EML6: variants seen among roughly 807,000 people sequenced by gnomAD.
EML6 encodes EMAP like 6.
Under a neutral mutation model 240.1 loss-of-function variants are expected in EML6, and 154 were observed. That is an observed-to-expected ratio of 0.64 (90% CI 0.56 to 0.73). EML6 has a LOEUF of 0.73. Ranked by LOEUF, EML6 falls within the 30% of genes least tolerant of loss-of-function variation. The pLI is 0.00. For synonymous variants in EML6, 1,148 were observed against 899.0 expected, an observed-to-expected ratio of 1.28 and a Z score of -4.95; for missense variants, 2,964 against 2,474.6, an observed-to-expected ratio of 1.20 and a Z score of -4.20.
Position 54,725,210 on chromosome 2 carries a change from G to C in EML6, c.149G>C (p.Arg50Pro), listed in dbSNP as rs770072165. The change falls in exon 2 of 42, where the codon CGC becomes CCC. Residue 50 changes from arginine (R) to proline (P), a missense_variant. Physicochemically the swap from Arg to Pro is moderately radical, Grantham distance 103. Coordinates refer to ENST00000356458, the MANE Select transcript of EML6 (RefSeq NM_001039753.4). The surrounding 1 kb of genome is among the most constrained non-coding windows in gnomAD (Gnocchi z 4.3). ...GGGGTCGGGGTGGTTTACAACACCC[G>C]CGAGCACAGCCAAAAATTCTTCCTG... ...VAGVGVVYNT[R>P]EHSQKFFLGH... The C allele has an allele frequency of 1.8e-5, 27 of 1,501,544 alleles. No individual in the cohort carries two copies. The African/African-American group carries it at 3.5e-4, about 19-fold the overall frequency. The allele number at this position is 1,501,544 out of a possible 1,614,324, so 93.0% of individuals were successfully genotyped here. A position where few individuals can be genotyped will look rare whatever the true frequency, so the allele number is the denominator to read the frequency against.
intron 2 of EML6, among the ~76,000 whole-genome samples, chr2:54,760,078 T>G (rs13412839): frequency 0.24 from 35,716 of 151,744 alleles, 4,574 homozygotes; most frequent in African/African-American, 0.35. Context: ...TTCCAGTTTT[T>G]CTCAGTTTCC....
intron 2 of EML6, among the ~76,000 whole-genome samples, chr2:54,793,767 GT>G (rs1489393256): frequency 6.6e-6 from 1 of 152,180 alleles, no homozygotes; most frequent in East Asian, 1.9e-4. Context: ...GGTTTGGTGA[GT>G]AGGGGCAGCA....
intron 16 of EML6, 53 bp downstream of exon 16, chr2:54,871,658 CAGAG>C (rs755907861): frequency 1.5e-5 from 20 of 1,291,450 alleles, no homozygotes; most frequent in African/African-American, 1.3e-4. Context: ...GAGAGAGACA[CAGAG>C]AGAGTATGCC....
In EML6 at chr2:54,724,991, C is replaced by G; in HGVS notation, c.-71C>G. Reference sequence around the variant, plus strand: ...CGCGCGCTGAGCCCCTGCAGGTCCGCCGCAGCCCCAGCCTCGGCGAGGACG... The same window carrying G: ...CGCGCGCTGAGCCCCTGCAGGTCCGGCGCAGCCCCAGCCTCGGCGAGGACG... On this transcript the variant is annotated 5_prime_UTR_variant, in exon 2 of 42. Transcript: ENST00000356458. This position sits in a 1 kb window ranked among gnomAD's most constrained non-coding sequence, Gnocchi z 5.2. The G allele has an allele frequency of 7.6e-7, 1 of 1,308,812 alleles. No individual in the cohort carries two copies. The highest frequency in any genetic ancestry group is 9.8e-7 in the Non-Finnish European group (1 of 1,020,710). 81.1% of individuals were successfully genotyped at this position (1,308,812 alleles called of 1,614,324 possible). A position where few individuals can be genotyped will look rare whatever the true frequency, so the allele number is the denominator to read the frequency against.
intron 35 of EML6, 43 bp from the exon 36 acceptor site, chr2:54,962,478 CAT>C: frequency 7.0e-7 from 1 of 1,420,850 alleles, no homozygotes; most frequent in Admixed American, 2.2e-5. Flanking sequence ...TGAGTGCAGT[CAT>C]ACAGTATTTG....
At chr2:54,897,677 T>C (rs1051558869) in intron 21 of EML6, among the ~76,000 whole-genome samples, 3 of 142,496 alleles carry the variant, frequency 2.1e-5, no homozygotes, top group Non-Finnish European at 4.5e-5. Flanking sequence ...GCCACCTACA[T>C]GTGTACCATT....
At chr2:54,805,754 T>G (rs576539878) in intron 2 of EML6, among the ~76,000 whole-genome samples, 1 of 152,168 alleles carries the variant, frequency 6.6e-6, no homozygotes, top group Non-Finnish European at 1.5e-5. Context: ...CTTTCAGAGG[T>G]CACAAAGATT....
chr2:54,908,055 T>G (rs992656775), intron 24 of EML6, among the ~76,000 whole-genome samples: 1 of 152,060 alleles, frequency 6.6e-6, no homozygotes, highest in African/African-American at 2.4e-5. Flanking sequence ...TTCCTCATGC[T>G]TAAGAAACAT....
intron 2 of EML6, among the ~76,000 whole-genome samples, chr2:54,790,496 C>T (rs990150871): frequency 2.0e-5 from 3 of 152,136 alleles, no homozygotes; most frequent in African/African-American, 7.2e-5. Context: ...GTGTGTACAA[C>T]ACCATACTCT....
chr2:54,793,403 T>TTTTG (rs1553379256), intron 2 of EML6, among the ~76,000 whole-genome samples: 14 of 146,326 alleles, frequency 9.6e-5, no homozygotes, highest in Admixed American at 8.8e-4. Flanking sequence ...TTTTTTTTTT[T>TTTTG]GGGTCCCAGC....
chr2:54,826,669 T>A (rs1668612492), intron 5 of EML6, among the ~76,000 whole-genome samples: 1 of 152,202 alleles, frequency 6.6e-6, no homozygotes, highest in African/African-American at 2.4e-5. Context: ...GGAGTGTCCT[T>A]ACTGCCTTGT....
intron 2 of EML6, among the ~76,000 whole-genome samples, chr2:54,809,601 T>C (rs1667723114): frequency 2.0e-5 from 3 of 152,200 alleles, no homozygotes; most frequent in African/African-American, 4.8e-5. Flanking sequence ...AGGATGGACT[T>C]GGTTTCATTT....
chr2:54,790,811 C>CGCCTCCCAGGTTCACACCATTCTCCT (rs1669400829), intron 2 of EML6, among the ~76,000 whole-genome samples: 3 of 151,098 alleles, frequency 2.0e-5, no homozygotes, highest in South Asian at 2.1e-4. Flanking sequence ...CTGCAAGCTC[C>CGCCTCCCAGGTTCACACCATTCTCCT]GCCTCCCAGG....
rs576321966 is a variant in EML6, at chr2:54,967,400, T to C, written c.5597+297T>C. ...TCTCCCGTCTCTTGGCCAATCCTAG[T>C]GCACAGTGAGGCCTCCATTCGCTAG... On this transcript the variant is annotated intron_variant, in intron 39 of 41. Transcript: ENST00000356458. Among the ~76,000 whole-genome samples the C allele has an allele frequency of 2.0e-5, 3 of 152,242 alleles. No homozygotes were observed. In the East Asian group the frequency reaches 5.8e-4, roughly 29 times the overall value.
rs1017773200 is a variant in EML6 at position 54,810,413 on chromosome 2, C to T, written c.198-2819C>T. Among the ~76,000 whole-genome samples, 57 of 152,250 alleles carry T rather than the reference C, an allele frequency of 3.7e-4. 1 individual carries two copies. The highest frequency in any genetic ancestry group is 1.3e-3 in the African/African-American group (54 of 41,542). On this transcript the variant is annotated intron_variant, in intron 2 of 41. Coordinates refer to ENST00000356458, the MANE Select transcript of EML6 (RefSeq NM_001039753.4). ...CTGTTTATTCCATTCCCCCCAACCC[C>T]GTCATTCAAAGAACTGCAATAAATC...
At chr2:54,797,893 T>A (rs1669907453) in intron 2 of EML6, among the ~76,000 whole-genome samples, 1 of 152,142 alleles carries the variant, frequency 6.6e-6, no homozygotes, top group Admixed American at 6.5e-5. Context: ...TTAATTTAGC[T>A]TTATATTAAA....
intron 17 of EML6, among the ~76,000 whole-genome samples, chr2:54,888,099 T>C (rs1020268371): frequency 6.6e-6 from 1 of 152,230 alleles, no homozygotes; most frequent in African/African-American, 2.4e-5. Context: ...AGAAAGACTT[T>C]ATTGCAGTTT....
intron 11 of EML6, among the ~76,000 whole-genome samples, chr2:54,854,770 G>A (rs924200530): frequency 5.9e-5 from 9 of 152,334 alleles, no homozygotes; most frequent in Non-Finnish European, 1.2e-4. Context: ...ATGACCATCC[G>A]TTTAAAATGT....
At chr2:54,737,368 G>A (rs1179552112) in intron 2 of EML6, among the ~76,000 whole-genome samples, 3 of 151,988 alleles carry the variant, frequency 2.0e-5, no homozygotes, top group Non-Finnish European at 4.4e-5. Flanking sequence ...GCGCGATCTC[G>A]GCTCACTGCA....
Sources: gnomAD v4.1 joint callset for allele counts (sites outside exome capture counted in the v4.1 genomes callset) on GRCh38, gnomAD v4.1.1 for gene constraint, Gnocchi (gnomAD v3.1) non-coding constraint, MANE v1.5 for transcripts, NCBI Gene and HGNC (gene_info 2026-07-23, HGNC 2026-07-21) for gene names.